MRNIP: variants seen among roughly 807,000 people sequenced by gnomAD.
MRNIP encodes the protein MRN complex-interacting protein.
In MRNIP, 30 loss-of-function variants were observed where a neutral mutation model predicts 29.8. The observed-to-expected ratio is 1.01, with a 90% confidence interval of 0.75 to 1.36. MRNIP has a LOEUF of 1.36. Among genes scored for constraint, MRNIP ranks in the 40% most tolerant of loss-of-function variants. The probability of loss-of-function intolerance (pLI) is 0.00; values close to 1 mark genes in which losing one functional copy is unlikely to be tolerated. For synonymous variants in MRNIP, 201 were observed against 164.1 expected, an observed-to-expected ratio of 1.23 and a Z score of -1.72; for missense variants, 459 against 423.5, an observed-to-expected ratio of 1.08 and a Z score of -0.74.
intron 3 of MRNIP, among the ~76,000 whole-genome samples, chr5:179,845,665 T>C (rs1759097672): frequency 6.6e-6 from 1 of 151,030 alleles, no homozygotes; most frequent in African/African-American, 2.4e-5. Context: ...CCAATTGACT[T>C]TTGTATTTTT....
In MRNIP at chr5:179,856,397, A is replaced by C. The variant is rs111466052; in HGVS notation, c.66+2334T>G. On this transcript the variant is annotated intron_variant, in intron 1 of 6. Coordinates refer to ENST00000292586, the MANE Select transcript of MRNIP (RefSeq NM_016175.4). ...AAAGGTTGTTGAAGTTAAACGTGTTAAAGTAGTACACAGCCGACTTGCAAT... is the reference window on the plus strand; with the variant it reads ...AAAGGTTGTTGAAGTTAAACGTGTTCAAGTAGTACACAGCCGACTTGCAAT... Among the ~76,000 whole-genome samples the C allele has an allele frequency of 8.3e-3, 1,259 of 152,300 alleles. 6 individuals carry two copies. Among genetic ancestry groups the C allele is most frequent in the Middle Eastern group, 0.017 (5 of 294 alleles).
chr5:179,854,078 C>T (rs1392789007), intron 1 of MRNIP, among the ~76,000 whole-genome samples: 11 of 144,196 alleles, frequency 7.6e-5, no homozygotes, highest in African/African-American at 1.8e-4. Flanking sequence ...TGGAGTGCAG[C>T]GGCGCAATCT....
intron 2 of MRNIP, among the ~76,000 whole-genome samples, chr5:179,852,649 G>A (rs1384832352): frequency 1.3e-5 from 2 of 152,218 alleles, no homozygotes; most frequent in Non-Finnish European, 2.9e-5. Flanking sequence ...AAGGCCTGAA[G>A]AGGGAGCAAA....
intron 2 of MRNIP, chr5:179,851,113 A>C (rs1759348515): frequency 2.4e-6 from 1 of 418,158 alleles, no homozygotes; most frequent in South Asian, 1.7e-5. Context: ...ACTGTGGCCT[A>C]GTCAGCCATA....
chr5:179,858,036 A>AGTC (rs1759674497), intron 1 of MRNIP, among the ~76,000 whole-genome samples: 1 of 137,330 alleles, frequency 7.3e-6, no homozygotes, highest in African/African-American at 2.6e-5. Flanking sequence ...AAGAAGAAGA[A>AGTC]GTCTGATGCT....
intron 3 of MRNIP, among the ~76,000 whole-genome samples, chr5:179,845,498 CTT>C (rs1759089685): frequency 1.3e-5 from 2 of 150,086 alleles, no homozygotes; most frequent in Non-Finnish European, 3.0e-5. Context: ...TCTACAAACT[CTT>C]TTATTTTTTA....
chr5:179,848,247 A>G (rs772110463), intron 2 of MRNIP, among the ~76,000 whole-genome samples, 181 bp from the exon 3 acceptor site: 2 of 152,166 alleles, frequency 1.3e-5, no homozygotes, highest in Admixed American at 6.6e-5. Flanking sequence ...ACAAACCAAC[A>G]GTCTCCGGAA....
chr5:179,837,868 T>A lies in MRNIP; in HGVS notation c.555A>T (p.Thr185=). Residue 185 remains threonine (T), a synonymous_variant, in exon 7 of 7, where the codon ACA becomes ACT. Coordinates refer to ENST00000292586, the MANE Select transcript of MRNIP (RefSeq NM_016175.4). ...WGPQKGQAGL[T]WKVKQGSSPC... is the part of the protein sequence containing the mutation. The stretch of plus-strand genomic sequence containing the variant: ...GGCTGCTGCCTTGTTTCACCTTCCA[T>A]GTCAGGCCAGCCTGTCCCTGAAAGA... The A allele has an allele frequency of 6.2e-7, 1 of 1,606,942 alleles. No individual in the cohort carries two copies. The highest frequency in any genetic ancestry group is 8.5e-7 in the Non-Finnish European group (1 of 1,179,552).
chr5:179,857,610 TA>T (rs1383530860), intron 1 of MRNIP, among the ~76,000 whole-genome samples: 1 of 152,144 alleles, frequency 6.6e-6, no homozygotes, highest in Admixed American at 6.5e-5. Flanking sequence ...AGAAAATAAG[TA>T]AAAAGTTTCT....
chr5:179,855,042 T>C (rs780667297), intron 1 of MRNIP, among the ~76,000 whole-genome samples: 1 of 152,238 alleles, frequency 6.6e-6, no homozygotes, highest in African/African-American at 2.4e-5. Context: ...GAAAACCCTA[T>C]CATTATTTAT....
Position 179,858,811 on chromosome 5 carries a change from T to A in MRNIP, c.-15A>T. Reference sequence around the variant, plus strand: ...AGCGACGCCATCCCTGCTTGTGCAGTCGCCAGGCAGCCAAGCGCGTGCGCT... The same window carrying A: ...AGCGACGCCATCCCTGCTTGTGCAGACGCCAGGCAGCCAAGCGCGTGCGCT... On this transcript the variant is annotated 5_prime_UTR_variant, in exon 1 of 7. Transcript: ENST00000292586. 2.0e-6 allele frequency: 3 copies of A among 1,537,836 alleles called. No homozygotes were observed. Among genetic ancestry groups the A allele is most frequent in the Middle Eastern group, 3.3e-4 (2 of 5,978 alleles).
chr5:179,853,487 T>C (rs1330815467), intron 1 of MRNIP, 50 bp from the exon 2 acceptor site: 6 of 1,498,976 alleles, frequency 4.0e-6, no homozygotes, highest in Admixed American at 1.7e-5. Context: ...TAAAACAAAA[T>C]GGAATTGGGC....
chr5:179,842,656 T>C (rs1210017267), intron 4 of MRNIP, among the ~76,000 whole-genome samples: 9 of 114,584 alleles, frequency 7.9e-5, no homozygotes, highest in Admixed American at 1.2e-4. Context: ...GCCGAGATGG[T>C]GCCATTACAC....
chr5:179,838,151 G>A (rs1758696756), intron 6 of MRNIP: 2 of 542,086 alleles, frequency 3.7e-6, no homozygotes, highest in African/African-American at 1.9e-5. Context: ...TCCATCTCCT[G>A]GGGACCTTAG....
intron 1 of MRNIP, among the ~76,000 whole-genome samples, chr5:179,855,907 GTT>G (rs1205010985): frequency 9.0e-5 from 10 of 110,994 alleles, no homozygotes; most frequent in Admixed American, 2.1e-4. Context: ...AAGAAAAGTT[GTT>G]TTTTTTTTTT....
At chr5:179,838,232 T>G in intron 6 of MRNIP, 1 of 318,082 alleles carries the variant, frequency 3.1e-6, no homozygotes, top group Non-Finnish European at 5.9e-6. Flanking sequence ...AGGGGTGCGC[T>G]GGCTCCATTC....
At chr5:179,841,034 G>A in intron 5 of MRNIP, 75 bp from the exon 6 acceptor site, 2 of 1,100,052 alleles carry the variant, frequency 1.8e-6, no homozygotes. Context: ...CGATCACATG[G>A]CCCACAGGCT....
intron 3 of MRNIP, chr5:179,846,222 GTT>G (rs1185568362): frequency 6.6e-6 from 1 of 151,660 alleles, no homozygotes; most frequent in Non-Finnish European, 1.5e-5. Flanking sequence ...TTCCTTGAAT[GTT>G]AAATGATTTT....
chr5:179,858,311 G>T (rs1305095603), intron 1 of MRNIP, among the ~76,000 whole-genome samples: 1 of 152,222 alleles, frequency 6.6e-6, no homozygotes, highest in East Asian at 1.9e-4. Context: ...CCGCGGAAAC[G>T]GACGGCGGCA....
Sources: gnomAD v4.1 joint callset for allele counts (sites outside exome capture counted in the v4.1 genomes callset) on GRCh38, gnomAD v4.1.1 for gene constraint, MANE v1.5 for transcripts, NCBI Gene and HGNC (gene_info 2026-07-23, HGNC 2026-07-21) for gene names.